Variants in SLC25A41 observed in about 807,000 individuals in gnomAD.
The protein encoded by SLC25A41 is mitochondrial carrier protein SCaMC-3L.
SLC25A41 carries 35 observed loss-of-function variants against 34.7 expected under a neutral mutation model. The observed-to-expected ratio is 1.01, with a 90% CI of 0.77 to 1.34. The LOEUF (loss-of-function observed/expected upper bound fraction) is 1.34, where lower values mean the gene tolerates loss of function less well. Among genes scored for constraint, SLC25A41 ranks in the 40% most tolerant of loss-of-function variants. The probability of loss-of-function intolerance (pLI) is 0.00; values close to 1 mark genes in which losing one functional copy is unlikely to be tolerated. For synonymous variants in SLC25A41, 190 were observed against 209.9 expected (o/e 0.91, Z 0.82); for missense variants, 492 against 489.8 (o/e 1.00, Z -0.04).
rs1431180792 is a variant in SLC25A41, at chr19:6,426,487, G to A, written c.1015C>T (p.Leu339=). 1 of 1,613,480 alleles carries A rather than the reference G, an allele frequency of 6.2e-7. No individual in the cohort carries two copies. The highest frequency in any genetic ancestry group is 1.3e-5 in the African/African-American group (1 of 74,932). Residue 339 remains leucine, a synonymous_variant, in exon 7 of 7, where the codon CTG becomes TTG. Coordinates refer to ENST00000321510, the MANE Select transcript of SLC25A41 (RefSeq NM_173637.4). The part of the protein sequence containing the change: ...RILAQQGWLG[L]YRGMTPTLLK... ...AGCGTGGGGGTCATGCCTCGGTACA[G>A]CCCTAGCCAGCCCTGCTGGGCCAGG... is the stretch of plus-strand genomic sequence containing the variant.
chr19:6,428,591 TTATA>T (rs903050265), intron 4 of SLC25A41, among the ~76,000 whole-genome samples: 5 of 147,648 alleles, frequency 3.4e-5, no homozygotes, highest in African/African-American at 9.8e-5. Flanking sequence ...ATAAATGTAA[TTATA>T]TAATTAGATA....
At position 6,430,024 on chromosome 19, in the gene SLC25A41, G is replaced by A. The variant is rs2092277819; in HGVS notation, c.501C>T (p.Phe167=). 1 of 1,612,386 alleles carries A rather than the reference G, an allele frequency of 6.2e-7. No individual in the cohort carries two copies. Among genetic ancestry groups the A allele is most frequent in the African/African-American group, 1.3e-5 (1 of 74,900 alleles). ...LKIAPEYAIK[F]SVFEQCKNYF... Reference sequence around the variant, plus strand: ...CATTCCCCACCTGCTCGAATACGGAGAACTTGATGGCATACTCAGGAGCAA... The same window carrying A: ...CATTCCCCACCTGCTCGAATACGGAAAACTTGATGGCATACTCAGGAGCAA... The change falls in exon 3 of 7, where the codon TTC becomes TTT. Residue 167 remains phenylalanine (F), a synonymous_variant. Coordinates refer to ENST00000321510, the MANE Select transcript of SLC25A41 (RefSeq NM_173637.4).
upstream of SLC25A41, among the ~76,000 whole-genome samples, chr19:6,435,010 C>T (rs920000643): frequency 6.6e-6 from 1 of 150,758 alleles, no homozygotes; most frequent in Non-Finnish European, 1.5e-5. Context: ...ATCACTTGAG[C>T]CCAGGAGTTC....
chr19:6,428,063 C>T (rs774331065), intron 4 of SLC25A41, among the ~76,000 whole-genome samples: 2 of 152,064 alleles, frequency 1.3e-5, no homozygotes, highest in Non-Finnish European at 2.9e-5. Flanking sequence ...CCGTAAGATA[C>T]TACAATGGTG....
Position 6,426,546 on chromosome 19 carries a change from G to C in SLC25A41, c.956C>G (p.Ser319Ter). The stretch of plus-strand genomic sequence containing the variant: ...GAGGACTCCGCGCATGGTGGGATTT[G>C]AGCCCTCCACGGTATCTGCAGGGAC... ...RMQAQDTVEG[S>*]NPTMRGVLQR... is the part of the protein sequence containing the mutation. Residue 319 changes from serine (S) to a stop codon, truncating the protein, a stop_gained, in exon 7 of 7, where the codon TCA becomes TGA. Transcript: ENST00000321510. LOFTEE classifies it low-confidence loss of function (END_TRUNC). The C allele has an allele frequency of 6.2e-7, 1 of 1,612,964 alleles. No individual in the cohort carries two copies.
At chr19:6,432,541 C>CT (rs2092290452) in intron 1 of SLC25A41, among the ~76,000 whole-genome samples, 1 of 121,518 alleles carries the variant, frequency 8.2e-6, no homozygotes, top group Admixed American at 9.5e-5. Flanking sequence ...AGGCTGGTCT[C>CT]TAACTCCTGA....
At chr19:6,433,438 C>G in intron 1 of SLC25A41, 49 bp downstream of exon 1, 1 of 1,580,646 alleles carries the variant, frequency 6.3e-7, no homozygotes, top group Non-Finnish European at 8.7e-7. Context: ...TGGCCTCTCC[C>G]TGTAGTCCTG....
At position 6,427,138 on chromosome 19, in the gene SLC25A41, G is replaced by A; in HGVS notation, c.905C>T (p.Pro302Leu). Residue 302 changes from proline to leucine, a missense_variant, in exon 6 of 7, where the codon CCA becomes CTA. Coordinates refer to ENST00000321510, the MANE Select transcript of SLC25A41 (RefSeq NM_173637.4). The surrounding 1 kb of genome is among the most constrained non-coding windows in gnomAD (Gnocchi z 4.9). ...STTCGQMASYPLTLVRTRMQA... is the reference protein window; with the variant it reads ...STTCGQMASYLLTLVRTRMQA... ...CATCCTGGTGCGCACCAGAGTCAGT[G>A]GGTAGCTGGCCATCTGGCCACAGGT... 6.2e-7 allele frequency: 1 copy of A among 1,608,994 alleles called. No homozygotes were observed. The highest frequency in any genetic ancestry group is 8.5e-7 in the Non-Finnish European group (1 of 1,178,260).
At chr19:6,434,364 C>A (rs1200202360), upstream of SLC25A41, among the ~76,000 whole-genome samples, 1 of 152,090 alleles carries the variant, frequency 6.6e-6, no homozygotes, top group African/African-American at 2.4e-5. Flanking sequence ...GAATTAGTTC[C>A]CTATAAGGAA....
chr19:6,429,606 G>A (rs2092275182), intron 4 of SLC25A41, 118 bp downstream of exon 4: 2 of 659,600 alleles, frequency 3.0e-6, no homozygotes, highest in Non-Finnish European at 5.0e-6. Context: ...AGGGAGAAGT[G>A]TGAGAAAAAA....
Position 6,432,101 on chromosome 19 carries a change from G to A in SLC25A41, c.311C>T (p.Ala104Val), listed in dbSNP as rs150991235. The A allele has an allele frequency of 8.7e-3, 14,093 of 1,613,834 alleles. 61 individuals are homozygous for A. Among genetic ancestry groups the A allele is most frequent in the Non-Finnish European group, 0.011 (12,465 of 1,179,844 alleles). Reference protein sequence around the residue: ...KFLLSGAMAGAVSRTGTAPLD... With the variant: ...KFLLSGAMAGVVSRTGTAPLD... ...AGGTGCCGTGCCCGTGCGAGACACCGCCCCGGCCATAGCTCCTGAGAGTAG... is the reference window on the plus strand; with the variant it reads ...AGGTGCCGTGCCCGTGCGAGACACCACCCCGGCCATAGCTCCTGAGAGTAG... Residue 104 changes from alanine to valine, a missense_variant, in exon 2 of 7, where the codon GCG becomes GTG. By Grantham distance (64) the Ala-to-Val change is moderately conservative. Transcript: ENST00000321510.
Position 6,427,011 on chromosome 19 carries a change from T to C in SLC25A41, c.940+92A>G. ...GTGGGCTGGGATCAGACACGGAGGGTGCCGGACTCAGTTTTGGGGTATGAG... is the reference window on the plus strand; with the variant it reads ...GTGGGCTGGGATCAGACACGGAGGGCGCCGGACTCAGTTTTGGGGTATGAG... On this transcript the variant is annotated intron_variant, in intron 6 of 6. Coordinates refer to ENST00000321510, the MANE Select transcript of SLC25A41 (RefSeq NM_173637.4). The surrounding 1 kb of genome is among the most constrained non-coding windows in gnomAD (Gnocchi z 4.9). 1 of 1,405,418 alleles carries C rather than the reference T, an allele frequency of 7.1e-7. No homozygotes were observed. The highest frequency in any genetic ancestry group is 9.7e-7 in the Non-Finnish European group (1 of 1,033,786). 87.1% of individuals were successfully genotyped at this position (1,405,418 alleles called of 1,614,324 possible).
In SLC25A41 at chr19:6,427,020, C is replaced by A; in HGVS notation, c.940+83G>T. On this transcript the variant is annotated intron_variant, in intron 6 of 6. Coordinates refer to ENST00000321510, the MANE Select transcript of SLC25A41 (RefSeq NM_173637.4). The surrounding 1 kb of genome is among the most constrained non-coding windows in gnomAD (Gnocchi z 4.9). ...GATCAGACACGGAGGGTGCCGGACT[C>A]AGTTTTGGGGTATGAGAAAATTGAG... 2 of 1,471,362 alleles carry A rather than the reference C, an allele frequency of 1.4e-6. No homozygotes were observed. Among genetic ancestry groups the A allele is most frequent in the African/African-American group, 1.4e-5 (1 of 71,680 alleles). 91.1% of individuals were successfully genotyped at this position (1,471,362 alleles called of 1,614,324 possible). A position where few individuals can be genotyped will look rare whatever the true frequency, so the allele number is the denominator to read the frequency against.
intron 2 of SLC25A41, chr19:6,430,484 C>T (rs1307494220): frequency 1.0e-5 from 5 of 491,182 alleles, no homozygotes; most frequent in Admixed American, 5.8e-5. Flanking sequence ...TCCGTTCCTC[C>T]CTTCCTTCTT....
Position 6,432,144 on chromosome 19 carries a change from C to T in SLC25A41, c.268G>A (p.Glu90Lys). 3.1e-6 allele frequency: 5 copies of T among 1,613,950 alleles called. No homozygotes were observed. The highest frequency in any genetic ancestry group is 4.2e-6 in the Non-Finnish European group (5 of 1,179,874). Reference protein sequence around the residue: ...PVEVLEVDNKEALWKFLLSGA... With the variant: ...PVEVLEVDNKKALWKFLLSGA... ...GAGAGTAGAAACTTCCACAAGGCCT[C>T]CTTGTTATCCACTTCCAGGACTTCC... is the stretch of plus-strand genomic sequence containing the variant. The change falls in exon 2 of 7, where the codon GAG (glutamate) becomes AAG (lysine). Residue 90 changes from glutamate to lysine, a missense_variant. Physicochemically the swap from Glu to Lys is moderately conservative, Grantham distance 56. Transcript: ENST00000321510.
rs1450044861 is a variant in SLC25A41 at position 6,426,547 on chromosome 19, A to G, written c.955T>C (p.Ser319Pro). ...AGGACTCCGCGCATGGTGGGATTTG[A>G]GCCCTCCACGGTATCTGCAGGGACA... ...RMQAQDTVEG[S>P]NPTMRGVLQR... The change falls in exon 7 of 7, where the codon TCA becomes CCA. Residue 319 changes from serine to proline, a missense_variant. Ser to Pro is a moderately conservative substitution (Grantham distance 74, BLOSUM62 -1). Coordinates refer to ENST00000321510, the MANE Select transcript of SLC25A41 (RefSeq NM_173637.4). 1 of 1,612,886 alleles carries G rather than the reference A, an allele frequency of 6.2e-7. No individual in the cohort carries two copies.
At position 6,429,166 on chromosome 19, in the gene SLC25A41, T is replaced by TATATATTATATATATA. The variant is rs2092267619; in HGVS notation, c.624+557_624+558insTATATATATAATATAT. 1.4e-4 allele frequency among the ~76,000 whole-genome samples: 5 copies of TATATATTATATATATA among 34,506 alleles called. 1 individual carries two copies. The highest frequency in any genetic ancestry group is 7.6e-4 in the African/African-American group (5 of 6,592). The allele number at this position is 34,506 out of a possible 152,430, so 22.6% of individuals were successfully genotyped here. ...TATAATATATATATTATATATATAATATATATATAATATATATATGTTATA... is the reference window on the plus strand; with the variant it reads ...TATAATATATATATTATATATATAATATATATTATATATATAATATATATAATATATATATGTTATA... On this transcript the variant is annotated intron_variant, in intron 4 of 6. Transcript: ENST00000321510.
rs373131844 is a variant in SLC25A41, at chr19:6,429,797, G to A, written c.551C>T (p.Pro184Leu). 14 of 1,611,142 alleles carry A rather than the reference G, an allele frequency of 8.7e-6. No homozygotes were observed. In the African/African-American group the frequency reaches 9.4e-5, roughly 11 times the overall value. The stretch of plus-strand genomic sequence containing the variant: ...AGCAAGGAGACGCTCCTGGAAGGGC[G>A]GGGACCCTTGTATTCCACAGAAGTA... ...KNYFCGIQGSPPFQERLLAGS... is the reference protein window; with the variant it reads ...KNYFCGIQGSLPFQERLLAGS... Residue 184 changes from proline to leucine, a missense_variant, in exon 4 of 7, where the codon CCG becomes CTG. Physicochemically the swap from Pro to Leu is moderately conservative, Grantham distance 98 (BLOSUM62 -3). Coordinates refer to ENST00000321510, the MANE Select transcript of SLC25A41 (RefSeq NM_173637.4).
chr19:6,432,868 A>G (rs1009657323), intron 1 of SLC25A41, among the ~76,000 whole-genome samples: 2 of 151,876 alleles, frequency 1.3e-5, no homozygotes, highest in African/African-American at 4.8e-5. Flanking sequence ...GGGTTTCACC[A>G]TGTTGGCCAG....
Sources: gnomAD v4.1 joint callset for allele counts (sites outside exome capture counted in the v4.1 genomes callset) on GRCh38, gnomAD v4.1.1 for gene constraint, Gnocchi (gnomAD v3.1) non-coding constraint, MANE v1.5 for transcripts, NCBI Gene and HGNC (gene_info 2026-07-23, HGNC 2026-07-21) for gene names.